WDFY2: variants seen among roughly 807,000 people sequenced by gnomAD.
WDFY2 encodes WD repeat and FYVE domain containing 2, also known as WD repeat and FYVE domain-containing protein 2.
Under a neutral mutation model 56.4 loss-of-function variants are expected in WDFY2, and 36 were observed. The ratio of observed to expected loss-of-function variants is 0.64; its 90% CI spans 0.49 to 0.84. WDFY2 has a LOEUF of 0.84. WDFY2 is among the 40% of genes least tolerant of loss of function. The pLI is 0.00. For missense variants in WDFY2, 444 were observed against 512.2 expected, an observed-to-expected ratio of 0.87 and a Z score of 1.29; for synonymous variants, 176 against 183.7, an observed-to-expected ratio of 0.96 and a Z score of 0.34.
intron 1 of WDFY2, among the ~76,000 whole-genome samples, chr13:51,596,349 G>A (rs1954147106): frequency 6.6e-6 from 1 of 152,194 alleles, no homozygotes; most frequent in African/African-American, 2.4e-5. Flanking sequence ...TTTGGTTGCA[G>A]TGTGACTTTT....
intron 1 of WDFY2, among the ~76,000 whole-genome samples, chr13:51,633,572 A>G (rs551123563): frequency 1.3e-5 from 2 of 152,252 alleles, no homozygotes; most frequent in South Asian, 4.1e-4. Context: ...TGTTTGCTAA[A>G]TTATTCCTGT....
chr13:51,670,911 A>T (rs1955796613), intron 2 of WDFY2, among the ~76,000 whole-genome samples: 1 of 151,970 alleles, frequency 6.6e-6, no homozygotes, highest in Non-Finnish European at 1.5e-5. Context: ...CCCTTGTATT[A>T]TTCTTAGGCC....
At chr13:51,607,459 A>G (rs1437875907) in intron 1 of WDFY2, among the ~76,000 whole-genome samples, 1 of 152,204 alleles carries the variant, frequency 6.6e-6, no homozygotes, top group Admixed American at 6.5e-5. Context: ...CAAGGAGTGT[A>G]TATCTTGGGA....
chr13:51,706,275 A>G (rs182569607), intron 4 of WDFY2, among the ~76,000 whole-genome samples: 2 of 152,356 alleles, frequency 1.3e-5, no homozygotes, highest in African/African-American at 4.8e-5. Context: ...AAAAATTTCT[A>G]TGAGCCAGAA....
At chr13:51,619,427 T>G (rs1473750841) in intron 1 of WDFY2, among the ~76,000 whole-genome samples, 1 of 135,908 alleles carries the variant, frequency 7.4e-6, no homozygotes, top group Non-Finnish European at 1.6e-5. Context: ...AGCCAGACAC[T>G]ATCTCCAAAA....
intron 7 of WDFY2, among the ~76,000 whole-genome samples, chr13:51,743,960 A>T (rs908622450): frequency 6.6e-6 from 1 of 152,248 alleles, no homozygotes; most frequent in African/African-American, 2.4e-5. Flanking sequence ...CCACCCTGCC[A>T]CCAAACAGCA....
chr13:51,706,496 A>AAG (rs1157030595), intron 4 of WDFY2, among the ~76,000 whole-genome samples: 1 of 152,244 alleles, frequency 6.6e-6, no homozygotes, highest in East Asian at 1.9e-4. Context: ...CCCCCATAAA[A>AAG]AGAGGAACAA....
At chr13:51,672,181 G>T (rs918752987) in intron 2 of WDFY2, among the ~76,000 whole-genome samples, 15 of 152,288 alleles carry the variant, frequency 9.8e-5, no homozygotes, top group Non-Finnish European at 1.8e-4. Flanking sequence ...ATGGTTTCAG[G>T]TTTTAAATTT....
Position 51,755,442 on chromosome 13 carries a change from A to C in WDFY2, c.916A>C (p.Lys306Gln). ...WNFKQMWDSK[K>Q]IGLRQHHCRK... ...CTTCAAGCAAATGTGGGACAGTAAG[A>C]AAATTGGTCTAAGACAGGTGAGTGA... The change falls in exon 9 of 12, where the codon AAA becomes CAA. Residue 306 changes from lysine (K) to glutamine (Q), a missense_variant. Physicochemically the swap from Lys to Gln is moderately conservative, Grantham distance 53. Coordinates refer to ENST00000298125, the MANE Select transcript of WDFY2 (RefSeq NM_052950.4). 1 of 1,614,224 alleles carries C rather than the reference A, an allele frequency of 6.2e-7. No individual in the cohort carries two copies. The highest frequency in any genetic ancestry group is 8.5e-7 in the Non-Finnish European group (1 of 1,180,030).
At chr13:51,694,989 C>G (rs1951833425) in intron 3 of WDFY2, among the ~76,000 whole-genome samples, 1 of 152,188 alleles carries the variant, frequency 6.6e-6, no homozygotes, top group African/African-American at 2.4e-5. Flanking sequence ...CCTGAGGCTT[C>G]TGCATTCTTC....
intron 5 of WDFY2, among the ~76,000 whole-genome samples, chr13:51,719,779 C>T (rs1215081976): frequency 1.3e-5 from 2 of 152,122 alleles, no homozygotes; most frequent in African/African-American, 4.8e-5. Flanking sequence ...GAATCCTGTT[C>T]AGTTTTAAAT....
chr13:51,605,973 C>T lies in WDFY2; in HGVS notation c.137+21149C>T, dbSNP rs544867707. On this transcript the variant is annotated intron_variant, in intron 1 of 11. Transcript: ENST00000298125. ...CATTCTAACATCAATCGCAGTTAGT[C>T]TCTACTCACTTTAAATAAAAAAGCA... Among the ~76,000 whole-genome samples the T allele has an allele frequency of 4.6e-5, 7 of 152,290 alleles. No homozygotes were observed. The East Asian group carries it at 1.3e-3, about 29-fold the overall frequency.
chr13:51,594,586 T>G (rs1954110116), intron 1 of WDFY2, among the ~76,000 whole-genome samples: 2 of 152,230 alleles, frequency 1.3e-5, no homozygotes, highest in Admixed American at 6.5e-5. Flanking sequence ...ACACTTTTAA[T>G]TATTGTAGCT....
At chr13:51,728,114 A>G (rs1952644599) in intron 6 of WDFY2, among the ~76,000 whole-genome samples, 1 of 152,214 alleles carries the variant, frequency 6.6e-6, no homozygotes, top group South Asian at 2.1e-4. Flanking sequence ...GGACGGCTCA[A>G]ACCCCAGAAG....
In WDFY2 at chr13:51,623,152, A is replaced by C. The variant is rs574858504; in HGVS notation, c.138-37444A>C. On this transcript the variant is annotated intron_variant, in intron 1 of 11. Transcript: ENST00000298125. ...GGATTACAGGCAAGAGCCACCGTGC[A>C]TGGCCTTAACTGTACACTTTTAAAA... 3.7e-4 allele frequency among the ~76,000 whole-genome samples: 57 copies of C among 152,060 alleles called. 1 individual carries two copies. In the Middle Eastern group the frequency reaches 0.01, roughly 27 times the overall value.
chr13:51,747,712 G>A (rs971428042), intron 7 of WDFY2, among the ~76,000 whole-genome samples: 4 of 151,970 alleles, frequency 2.6e-5, no homozygotes, highest in African/African-American at 7.3e-5. Flanking sequence ...TTTAATTTTT[G>A]TAGAGACAGG....
chr13:51,755,245 C>G, intron 8 of WDFY2, 113 bp from the exon 9 acceptor site: 2 of 963,840 alleles, frequency 2.1e-6, no homozygotes, highest in South Asian at 3.3e-5. Context: ...AGAAATCACA[C>G]CTCTGTTTCT....
chr13:51,629,825 T>TC (rs1491389970), intron 1 of WDFY2, among the ~76,000 whole-genome samples: 1 of 41,060 alleles, frequency 2.4e-5, no homozygotes, highest in African/African-American at 7.5e-5. Flanking sequence ...TTCTTTCTTT[T>TC]CTTTTTTTTT....
intron 11 of WDFY2, among the ~76,000 whole-genome samples, chr13:51,759,221 C>T (rs911680119): frequency 6.6e-6 from 1 of 152,130 alleles, no homozygotes; most frequent in African/African-American, 2.4e-5. Context: ...CTCTGGCAGC[C>T]TCAGGTCCTT....
Sources: allele counts gnomAD v4.1 joint callset (sites outside exome capture counted in the v4.1 genomes callset), GRCh38; gene constraint gnomAD v4.1.1; transcripts MANE v1.5; gene names NCBI Gene and HGNC (gene_info 2026-07-23, HGNC 2026-07-21).